The following NTRK3 variants were observed in gnomAD, a reference collection of about 807,000 sequenced individuals.
NTRK3 encodes neurotrophic receptor tyrosine kinase 3.
NTRK3 carries 24 observed loss-of-function variants against 91.7 expected under a neutral mutation model. That is an observed-to-expected ratio of 0.26 (90% CI 0.19 to 0.37). The LOEUF (loss-of-function observed/expected upper bound fraction) is 0.37, where lower values mean the gene tolerates loss of function less well. Ranked by LOEUF, NTRK3 falls within the 10% of genes least tolerant of loss-of-function variation. The pLI, the probability that NTRK3 is intolerant of heterozygous loss-of-function variation, is 1.00. For missense variants in NTRK3, 880 were observed against 1,068.9 expected (o/e 0.82, Z 2.46); for synonymous variants, 483 against 404.0 (o/e 1.20, Z -2.34).
chr15:88,231,122 G>A (rs568883148), intron 3 of NTRK3, among the ~76,000 whole-genome samples: 1 of 152,078 alleles, frequency 6.6e-6, no homozygotes, highest in Non-Finnish European at 1.5e-5. Flanking sequence ...TCAACTCAAC[G>A]TGTTCCAAAC....
chr15:88,137,327 G>T, intron 7 of NTRK3, 77 bp downstream of exon 7: 1 of 1,560,490 alleles, frequency 6.4e-7, no homozygotes, highest in Non-Finnish European at 8.8e-7. Context: ...GGCATCCCAA[G>T]GTAACGTCCA....
At chr15:87,901,048 G>C (rs931235633) in intron 17 of NTRK3, among the ~76,000 whole-genome samples, 2 of 152,172 alleles carry the variant, frequency 1.3e-5, no homozygotes, top group Non-Finnish European at 2.9e-5. Flanking sequence ...TGGCAGTGAA[G>C]GGTGTAGGCC....
chr15:88,144,524 C>G (rs1350856346), intron 6 of NTRK3, among the ~76,000 whole-genome samples: 1 of 152,080 alleles, frequency 6.6e-6, no homozygotes, highest in Non-Finnish European at 1.5e-5. Flanking sequence ...AGAGGCCGAG[C>G]ATGTAGGGTG....
At chr15:88,078,661 C>A (rs2047773588) in intron 13 of NTRK3, among the ~76,000 whole-genome samples, 1 of 152,090 alleles carries the variant, frequency 6.6e-6, no homozygotes, top group Admixed American at 6.5e-5. Context: ...AAGTTAAAAA[C>A]AACAACAACA....
At chr15:88,027,360 T>G (rs779459589) in intron 14 of NTRK3, among the ~76,000 whole-genome samples, 4 of 152,034 alleles carry the variant, frequency 2.6e-5, no homozygotes, top group African/African-American at 4.8e-5. Context: ...TCAATAGTAT[T>G]TTCCTTTTCC....
chr15:87,924,519 G>T (rs926222196), intron 17 of NTRK3, among the ~76,000 whole-genome samples: 1 of 152,132 alleles, frequency 6.6e-6, no homozygotes, highest in Non-Finnish European at 1.5e-5. Context: ...TAGACACTCT[G>T]TTCTGTCTCC....
At chr15:87,882,462 T>G (rs1371356956) in intron 17 of NTRK3, among the ~76,000 whole-genome samples, 2 of 152,162 alleles carry the variant, frequency 1.3e-5, no homozygotes, top group Non-Finnish European at 2.9e-5. Flanking sequence ...TAATGGTTGT[T>G]AATTTGGTAG....
intron 13 of NTRK3, among the ~76,000 whole-genome samples, chr15:88,086,494 A>T (rs2048510417): frequency 6.9e-6 from 1 of 144,924 alleles, no homozygotes; most frequent in Non-Finnish European, 1.5e-5. Flanking sequence ...ATTAGAATTA[A>T]TTTCACCTGT....
chr15:88,148,958 G>A (rs918929223), intron 5 of NTRK3, among the ~76,000 whole-genome samples: 10 of 152,270 alleles, frequency 6.6e-5, no homozygotes, highest in East Asian at 3.9e-4. Flanking sequence ...TGAGTAGAAC[G>A]AGAAAGCCTG....
intron 5 of NTRK3, among the ~76,000 whole-genome samples, chr15:88,169,271 T>C (rs544080249): frequency 4.1e-4 from 63 of 152,264 alleles, no homozygotes; most frequent in African/African-American, 1.4e-3. Context: ...AGGATGAGAT[T>C]TCAATGTTTA....
intron 13 of NTRK3, among the ~76,000 whole-genome samples, chr15:88,088,636 G>A (rs1336197057): frequency 6.6e-6 from 1 of 152,108 alleles, no homozygotes; most frequent in Non-Finnish European, 1.5e-5. Flanking sequence ...GAAGTAATAT[G>A]GTAATAATAA....
chr15:88,203,768 A>C (rs1266151485), intron 3 of NTRK3, among the ~76,000 whole-genome samples: 1 of 152,236 alleles, frequency 6.6e-6, no homozygotes, highest in East Asian at 1.9e-4. Flanking sequence ...TTTGATCTTT[A>C]CACATTATAC....
At chr15:87,903,366 C>G (rs887684846) in intron 17 of NTRK3, among the ~76,000 whole-genome samples, 1 of 152,212 alleles carries the variant, frequency 6.6e-6, no homozygotes, top group African/African-American at 2.4e-5. Flanking sequence ...GCAACATTCT[C>G]AGTGAGTGGT....
intron 5 of NTRK3, 71 bp from the exon 6 acceptor site, chr15:88,147,474 T>A (rs2151315354): frequency 7.9e-7 from 1 of 1,269,758 alleles, no homozygotes; most frequent in Non-Finnish European, 1.1e-6. Context: ...GTAGTAAGCT[T>A]AATCATTTCA....
chr15:88,040,080 T>C (rs992500708), intron 13 of NTRK3, among the ~76,000 whole-genome samples: 49 of 152,200 alleles, frequency 3.2e-4, no homozygotes, highest in African/African-American at 9.2e-4. Flanking sequence ...ATAAAGTACA[T>C]TGATTTCTTT....
chr15:88,056,199 TATA>T (rs1233247145), intron 13 of NTRK3, among the ~76,000 whole-genome samples: 18 of 94,508 alleles, frequency 1.9e-4, no homozygotes, highest in African/African-American at 6.2e-4. Context: ...TATATATATA[TATA>T]TTTTTTTTTT....
exon 19 of NTRK3, chr15:87,873,374 T>C: frequency 4.4e-6 from 1 of 228,940 alleles, no homozygotes. Context: ...GAGGGCAGAG[T>C]TAGGTTCACA....
intron 14 of NTRK3, among the ~76,000 whole-genome samples, chr15:88,020,330 C>T (rs2077514442): frequency 6.6e-6 from 1 of 152,170 alleles, no homozygotes; most frequent in Non-Finnish European, 1.5e-5. Context: ...TGCTCATCTA[C>T]ATCCATCATT....
chr15:88,076,585 G>T (rs1206543770), intron 13 of NTRK3, among the ~76,000 whole-genome samples: 2 of 151,038 alleles, frequency 1.3e-5, no homozygotes, highest in African/African-American at 2.4e-5. Flanking sequence ...CTCTCAGACA[G>T]GGGATACAAG....
Sources: allele counts gnomAD v4.1 joint callset (sites outside exome capture counted in the v4.1 genomes callset), GRCh38; gene constraint gnomAD v4.1.1; transcripts MANE v1.5; gene names NCBI Gene and HGNC (gene_info 2026-07-23, HGNC 2026-07-21).